Variants in PDE4D observed in about 807,000 individuals in gnomAD.
PDE4D encodes the protein 3',5'-cyclic-AMP phosphodiesterase 4D.
A neutral mutation model predicts 87.4 loss-of-function variants in PDE4D; 24 were observed. The observed-to-expected ratio is 0.27, with a 90% CI of 0.20 to 0.39. The LOEUF (loss-of-function observed/expected upper bound fraction) is 0.39, where lower values mean the gene tolerates loss of function less well. Ranked by LOEUF, PDE4D falls within the 10% of genes least tolerant of loss-of-function variation. PDE4D has a pLI of 1.00. For synonymous variants in PDE4D, 384 were observed against 383.2 expected, an observed-to-expected ratio of 1.00 and a Z score of -0.02; for missense variants, 714 against 1,041.0, an observed-to-expected ratio of 0.69 and a Z score of 4.32.
intron 11 of PDE4D, among the ~76,000 whole-genome samples, chr5:58,985,996 T>A (rs981831095): frequency 3.9e-5 from 6 of 152,256 alleles, no homozygotes; most frequent in Admixed American, 2.6e-4. Context: ...AAAGTGACAA[T>A]GCTGATTCAT....
chr5:59,573,913 G>A (rs1165751406), intron 1 of PDE4D, among the ~76,000 whole-genome samples: 3 of 147,500 alleles, frequency 2.0e-5, no homozygotes, highest in East Asian at 2.0e-4. Context: ...TAGGAGAACC[G>A]CTTGAAACTG....
At chr5:59,776,838 C>A (rs1764125808) in intron 1 of PDE4D, among the ~76,000 whole-genome samples, 1 of 151,544 alleles carries the variant, frequency 6.6e-6, no homozygotes, top group Admixed American at 6.6e-5. Flanking sequence ...ATGAGTTTTG[C>A]CTAATTTTAA....
At chr5:59,962,946 T>C (rs1252044048) in intron 3 of PDE4D, among the ~76,000 whole-genome samples, 2 of 152,178 alleles carry the variant, frequency 1.3e-5, no homozygotes, top group Non-Finnish European at 2.9e-5. Context: ...GGGCCCAGGT[T>C]CCAGCTGCTC....
chr5:60,244,990 C>A (rs1331633007), intron 1 of PDE4D, among the ~76,000 whole-genome samples: 1 of 151,838 alleles, frequency 6.6e-6, no homozygotes, highest in Non-Finnish European at 1.5e-5. Context: ...AGGAAACAGT[C>A]AACAAAGCAA....
intron 1 of PDE4D, among the ~76,000 whole-genome samples, chr5:59,757,105 A>T (rs1392236709): frequency 1.3e-5 from 2 of 152,126 alleles, no homozygotes; most frequent in African/African-American, 4.8e-5. Flanking sequence ...GCCGGTTCTT[A>T]CTTTTTAGGA....
At chr5:60,105,341 T>G (rs1776763409) in intron 2 of PDE4D, among the ~76,000 whole-genome samples, 1 of 152,084 alleles carries the variant, frequency 6.6e-6, no homozygotes, top group African/African-American at 2.4e-5. Context: ...GAACAAAGCC[T>G]CCAAGAAATA....
At chr5:60,188,389 G>A (rs1017694387) in intron 1 of PDE4D, 1 of 152,150 alleles carries the variant, frequency 6.6e-6, no homozygotes, top group African/African-American at 2.4e-5. Context: ...CCTTGAAAAG[G>A]GAAGTTGCTC....
chr5:60,303,307 CTTTTTTTT>C (rs879522679), intron 1 of PDE4D, among the ~76,000 whole-genome samples: 20 of 127,830 alleles, frequency 1.6e-4, no homozygotes, highest in African/African-American at 6.2e-4. Context: ...ATCTGGATTT[CTTTTTTTT>C]TTTTTTTTTT....
intron 1 of PDE4D, among the ~76,000 whole-genome samples, chr5:59,415,350 T>A (rs553029683): frequency 2.1e-3 from 318 of 152,268 alleles, no homozygotes; most frequent in African/African-American, 7.4e-3. Flanking sequence ...GAGAAAAAAC[T>A]TGCCCAGGTT....
intron 1 of PDE4D, among the ~76,000 whole-genome samples, chr5:60,211,245 C>T (rs988619375): frequency 2.0e-5 from 3 of 152,144 alleles, no homozygotes; most frequent in Non-Finnish European, 4.4e-5. Flanking sequence ...CCATTTCTGT[C>T]CCTGGAGGTT....
intron 3 of PDE4D, among the ~76,000 whole-genome samples, chr5:59,943,193 A>AATT (rs905743840): frequency 1.3e-4 from 17 of 129,846 alleles, no homozygotes; most frequent in Non-Finnish European, 2.0e-4. Context: ...CAAAGGTAAC[A>AATT]ATTATTATTA....
intron 1 of PDE4D, among the ~76,000 whole-genome samples, chr5:59,852,827 A>T (rs935344280): frequency 6.6e-6 from 1 of 151,928 alleles, no homozygotes; most frequent in Non-Finnish European, 1.5e-5. Context: ...ACAGGAATAA[A>T]AAAAAAAAGA....
rs769700997 is a variant in PDE4D at position 59,077,987 on chromosome 5, G to A, written c.809-39016C>T. On this transcript the variant is annotated intron_variant, in intron 5 of 14. Transcript: ENST00000340635. Reference sequence around the variant, plus strand: ...GTTGCTCTTTCCTAAATGAGCAACCGCGCATCTGGTCAAATTTGGTGAATA... The same window carrying A: ...GTTGCTCTTTCCTAAATGAGCAACCACGCATCTGGTCAAATTTGGTGAATA... Among the ~76,000 whole-genome samples, 10 of 152,226 alleles carry A rather than the reference G, an allele frequency of 6.6e-5. No homozygotes were observed. In the South Asian group the frequency reaches 1.4e-3, roughly 22 times the overall value.
chr5:59,784,053 T>C (rs1764895144), intron 1 of PDE4D, among the ~76,000 whole-genome samples: 1 of 151,710 alleles, frequency 6.6e-6, no homozygotes, highest in Non-Finnish European at 1.5e-5. Flanking sequence ...AGTGAGACAA[T>C]CTCAAAAATA....
At chr5:59,619,206 G>C (rs1830065426) in intron 1 of PDE4D, among the ~76,000 whole-genome samples, 1 of 152,004 alleles carries the variant, frequency 6.6e-6, no homozygotes, top group Non-Finnish European at 1.5e-5. Context: ...CACTCATTCA[G>C]ACTGAAATAT....
intron 1 of PDE4D, among the ~76,000 whole-genome samples, chr5:59,258,665 CAT>C (rs1761419550): frequency 1.4e-5 from 2 of 148,110 alleles, no homozygotes; most frequent in East Asian, 3.9e-4. Context: ...AAATATATAT[CAT>C]ATATTATATA....
intron 1 of PDE4D, among the ~76,000 whole-genome samples, chr5:59,237,381 T>C (rs934544902): frequency 2.6e-5 from 4 of 152,190 alleles, no homozygotes; most frequent in African/African-American, 4.8e-5. Context: ...TTTCTTTACA[T>C]CCATTATTTT....
At chr5:59,956,015 C>A (rs1266493212) in intron 3 of PDE4D, among the ~76,000 whole-genome samples, 1 of 152,150 alleles carries the variant, frequency 6.6e-6, no homozygotes, top group East Asian at 1.9e-4. Context: ...AGAATAAAAG[C>A]TCACCTATAA....
At chr5:59,194,519 A>G (rs545758055) in intron 2 of PDE4D, among the ~76,000 whole-genome samples, 2 of 152,326 alleles carry the variant, frequency 1.3e-5, no homozygotes, top group East Asian at 3.9e-4. Context: ...GATGTTACTC[A>G]ATAAATTGTT....
Sources: allele counts gnomAD v4.1 joint callset (sites outside exome capture counted in the v4.1 genomes callset), GRCh38; gene constraint gnomAD v4.1.1; transcripts MANE v1.5; gene names NCBI Gene and HGNC (gene_info 2026-07-23, HGNC 2026-07-21).